The following ATF7IP2 variants were observed in gnomAD, a reference collection of about 807,000 sequenced individuals.
ATF7IP2 encodes the protein activating transcription factor 7 interacting protein 2.
ATF7IP2 carries 42 observed loss-of-function variants against 64.2 expected under a neutral mutation model. That is an observed-to-expected ratio of 0.65 (90% CI 0.51 to 0.85). The LOEUF is 0.85. Among genes scored for constraint, ATF7IP2 ranks in the 40% least tolerant of loss-of-function variants. ATF7IP2 has a pLI of 0.00. For missense variants in ATF7IP2, 933 were observed against 784.2 expected, an observed-to-expected ratio of 1.19 and a Z score of -2.27; for synonymous variants, 308 against 272.8, an observed-to-expected ratio of 1.13 and a Z score of -1.27.
chr16:10,473,086 A>G (rs545531753), intron 10 of ATF7IP2, among the ~76,000 whole-genome samples: 3 of 152,174 alleles, frequency 2.0e-5, no homozygotes, highest in Non-Finnish European at 4.4e-5. Context: ...GAGAATTACA[A>G]AGGATGTTAA....
chr16:10,411,428 C>G (rs1201588135), intron 1 of ATF7IP2, among the ~76,000 whole-genome samples: 2 of 148,798 alleles, frequency 1.3e-5, no homozygotes, highest in Non-Finnish European at 3.0e-5. Flanking sequence ...CAGAGTCTGG[C>G]TGTGTCACCC....
intron 3 of ATF7IP2, among the ~76,000 whole-genome samples, chr16:10,426,794 C>T (rs1290083147): frequency 9.2e-5 from 14 of 151,892 alleles, no homozygotes; most frequent in Non-Finnish European, 1.8e-4. Context: ...TAATAAGATA[C>T]CTGTAACTCA....
intron 1 of ATF7IP2, among the ~76,000 whole-genome samples, chr16:10,388,268 C>G (rs1308752534): frequency 6.6e-6 from 1 of 152,050 alleles, no homozygotes; most frequent in East Asian, 1.9e-4. Context: ...TTCATTTTTA[C>G]CAACGATGGG....
At chr16:10,438,329 C>G in intron 7 of ATF7IP2, 94 bp downstream of exon 7, 1 of 1,301,180 alleles carries the variant, frequency 7.7e-7, no homozygotes. Flanking sequence ...ACTGCAGCCT[C>G]TGCCTTCTGA....
At chr16:10,467,497 C>G (rs1879464147) in intron 9 of ATF7IP2, among the ~76,000 whole-genome samples, 1 of 151,918 alleles carries the variant, frequency 6.6e-6, no homozygotes, top group African/African-American at 2.4e-5. Context: ...CAATTTATGA[C>G]TACTATTACT....
intron 11 of ATF7IP2, 63 bp downstream of exon 11, chr16:10,473,597 G>C: frequency 8.4e-7 from 1 of 1,185,916 alleles, no homozygotes; most frequent in Admixed American, 2.1e-5. Flanking sequence ...AGGAACTTTA[G>C]TGTTTGCTAC....
At chr16:10,478,215 A>G (rs1211175415) in intron 12 of ATF7IP2, among the ~76,000 whole-genome samples, 4 of 149,706 alleles carry the variant, frequency 2.7e-5, no homozygotes, top group Non-Finnish European at 6.0e-5. Flanking sequence ...AAGCCAAAAG[A>G]ACAAAGCTGG....
chr16:10,444,348 G>A (rs528264890), intron 8 of ATF7IP2, among the ~76,000 whole-genome samples: 2 of 151,964 alleles, frequency 1.3e-5, no homozygotes, highest in South Asian at 2.1e-4. Context: ...CTTTCTTAAC[G>A]GTCCAGACTG....
At chr16:10,413,081 A>G (rs1245067077) in intron 1 of ATF7IP2, among the ~76,000 whole-genome samples, 1 of 152,168 alleles carries the variant, frequency 6.6e-6, no homozygotes, top group Non-Finnish European at 1.5e-5. Context: ...TCTTCAAGGC[A>G]GGAGATAGTT....
At chr16:10,477,105 TA>T (rs1472590545) in intron 12 of ATF7IP2, among the ~76,000 whole-genome samples, 1 of 152,154 alleles carries the variant, frequency 6.6e-6, no homozygotes, top group African/African-American at 2.4e-5. Flanking sequence ...AAATGGGATC[TA>T]ATTAAAGAGC....
intron 5 of ATF7IP2, among the ~76,000 whole-genome samples, chr16:10,432,777 C>T (rs1437710028): frequency 1.3e-5 from 2 of 152,148 alleles, no homozygotes; most frequent in South Asian, 2.1e-4. Flanking sequence ...ACTTGGGAGA[C>T]TGAGACAGGA....
At chr16:10,431,488 T>C (rs1275260752) in intron 5 of ATF7IP2, 33 bp downstream of exon 5, 9 of 1,393,460 alleles carry the variant, frequency 6.5e-6, no homozygotes, top group African/African-American at 1.5e-5. Context: ...TTTAGAAAAA[T>C]TAAAATAGTC....
intron 1 of ATF7IP2, among the ~76,000 whole-genome samples, chr16:10,408,740 T>A (rs1229746239): frequency 1.3e-5 from 2 of 152,228 alleles, no homozygotes; most frequent in Non-Finnish European, 2.9e-5. Flanking sequence ...TAGATATTAG[T>A]CATTTGTTGG....
chr16:10,400,180 A>G (rs879739676), intron 1 of ATF7IP2, among the ~76,000 whole-genome samples: 4 of 152,116 alleles, frequency 2.6e-5, no homozygotes, highest in Non-Finnish European at 4.4e-5. Flanking sequence ...AGCTGGGATT[A>G]CAGGCGCCTG....
chr16:10,440,619 C>T (rs2048583008), intron 8 of ATF7IP2, among the ~76,000 whole-genome samples, 157 bp downstream of exon 8: 1 of 152,140 alleles, frequency 6.6e-6, no homozygotes, highest in African/African-American at 2.4e-5. Context: ...GGAAAAGACA[C>T]CCTTAGGTAG....
chr16:10,399,874 A>G (rs1185652767), intron 1 of ATF7IP2, among the ~76,000 whole-genome samples: 1 of 152,020 alleles, frequency 6.6e-6, no homozygotes, highest in Admixed American at 6.6e-5. Flanking sequence ...AGTGTTTTAT[A>G]GTTTTTCTTG....
At chr16:10,430,208 A>G (rs779767155) in intron 4 of ATF7IP2, among the ~76,000 whole-genome samples, 2 of 152,214 alleles carry the variant, frequency 1.3e-5, no homozygotes, top group Admixed American at 6.5e-5. Context: ...GCCATTATGT[A>G]TAGAAAATGG....
At chr16:10,408,357 A>T (rs774421994) in intron 1 of ATF7IP2, among the ~76,000 whole-genome samples, 1 of 152,204 alleles carries the variant, frequency 6.6e-6, no homozygotes, top group Non-Finnish European at 1.5e-5. Context: ...TGGATACCCA[A>T]TAGTGGGATT....
intron 2 of ATF7IP2, among the ~76,000 whole-genome samples, chr16:10,418,637 G>A (rs984250465): frequency 6.6e-6 from 1 of 152,180 alleles, no homozygotes; most frequent in African/African-American, 2.4e-5. Flanking sequence ...AAGCACTCCA[G>A]TTCCTGGCAT....
Sources: allele counts gnomAD v4.1 joint callset (sites outside exome capture counted in the v4.1 genomes callset), GRCh38; gene constraint gnomAD v4.1.1; transcripts MANE v1.5; gene names NCBI Gene and HGNC (gene_info 2026-07-23, HGNC 2026-07-21).